The following NUS1 variants were observed in gnomAD, a reference collection of about 807,000 sequenced individuals.
NUS1 encodes dehydrodolichyl diphosphate synthase complex subunit NUS1.
For synonymous variants in NUS1, 135 were observed against 155.2 expected (o/e 0.87, Z 0.97); for missense variants, 292 against 382.9 (o/e 0.76, Z 1.98).
intron 1 of NUS1, among the ~76,000 whole-genome samples, chr6:117,678,909 T>C (rs1402501147): frequency 1.3e-5 from 2 of 152,206 alleles, no homozygotes; most frequent in Non-Finnish European, 2.9e-5. Flanking sequence ...CTCAAACTCC[T>C]GACCTCAGGT....
rs189256491 is a variant in NUS1 at position 117,696,267 on chromosome 6, T to C, written c.691+2087T>C. Among the ~76,000 whole-genome samples the C allele has an allele frequency of 2.4e-3, 368 of 151,894 alleles. 7 individuals carry two copies. Among genetic ancestry groups the C allele is most frequent in the Non-Finnish European group, 9.4e-4 (64 of 67,922 alleles). On this transcript the variant is annotated intron_variant, in intron 3 of 4. Transcript: ENST00000368494. Reference sequence around the variant, plus strand: ...AAAAGAATGAAACACACCTACAAAATCTAGGAAAAAGCCTCTTGAGGGCAA... The same window carrying C: ...AAAAGAATGAAACACACCTACAAAACCTAGGAAAAAGCCTCTTGAGGGCAA...
intron 4 of NUS1, among the ~76,000 whole-genome samples, chr6:117,705,531 A>T (rs76133410): frequency 6.6e-6 from 1 of 152,172 alleles, no homozygotes; most frequent in Non-Finnish European, 1.5e-5. Flanking sequence ...TATGATAGCT[A>T]TATCACATTA....
In NUS1 at chr6:117,681,969, A is replaced by G. The variant is rs534621227; in HGVS notation, c.415+5884A>G. 9.9e-5 allele frequency among the ~76,000 whole-genome samples: 15 copies of G among 152,202 alleles called. No homozygotes were observed. In the South Asian group the frequency reaches 3.1e-3, roughly 32 times the overall value. Reference sequence around the variant, plus strand: ...TGCCTCAGCCTCCTGAGTAACTGGGATTACAGGCATATGCCACCATGCCCA... The same window carrying G: ...TGCCTCAGCCTCCTGAGTAACTGGGGTTACAGGCATATGCCACCATGCCCA... On this transcript the variant is annotated intron_variant, in intron 1 of 4. Coordinates refer to ENST00000368494, the MANE Select transcript of NUS1 (RefSeq NM_138459.5).
In NUS1 at chr6:117,707,093, A is replaced by T; in HGVS notation, c.*78A>T. On this transcript the variant is annotated 3_prime_UTR_variant, in exon 5 of 5. Coordinates refer to ENST00000368494, the MANE Select transcript of NUS1 (RefSeq NM_138459.5). ...TGACTCTGATGTTTACAAAGCACCT[A>T]TGAAACCCTGTACACACCTAGTTCA... 1 of 1,254,760 alleles carries T rather than the reference A, an allele frequency of 8.0e-7. No homozygotes were observed. Among genetic ancestry groups the T allele is most frequent in the South Asian group, 1.2e-5 (1 of 83,124 alleles). The allele number at this position is 1,254,760 out of a possible 1,614,324, so 77.7% of individuals were successfully genotyped here. A position where few individuals can be genotyped will look rare whatever the true frequency, so the allele number is the denominator to read the frequency against.
chr6:117,691,552 GATATAGATATATAT>G (rs1021415056), intron 1 of NUS1, among the ~76,000 whole-genome samples: 6 of 37,556 alleles, frequency 1.6e-4, no homozygotes, highest in African/African-American at 3.4e-4. Flanking sequence ...CTGTGCCATA[GATATAGATATATAT>G]ATATATATAT....
At chr6:117,687,287 A>C (rs955488485) in intron 1 of NUS1, among the ~76,000 whole-genome samples, 1 of 152,218 alleles carries the variant, frequency 6.6e-6, no homozygotes, top group Non-Finnish European at 1.5e-5. Flanking sequence ...ATTATTGTTA[A>C]GCAGCACTTT....
chr6:117,689,658 C>T (rs1283212300), intron 1 of NUS1, among the ~76,000 whole-genome samples: 1 of 151,952 alleles, frequency 6.6e-6, no homozygotes, highest in East Asian at 1.9e-4. Context: ...AACTCCTGGA[C>T]TCAAGCGATC....
chr6:117,699,164 G>GA (rs1253913831), intron 3 of NUS1, among the ~76,000 whole-genome samples: 2 of 150,846 alleles, frequency 1.3e-5, no homozygotes, highest in African/African-American at 5.0e-5. Context: ...AATTAGACCA[G>GA]AAAAAGAAGG....
At chr6:117,678,678 T>TG (rs1491310924) in intron 1 of NUS1, among the ~76,000 whole-genome samples, 4 of 16,600 alleles carry the variant, frequency 2.4e-4, no homozygotes, top group Admixed American at 6.2e-4. Flanking sequence ...TTTTCAGTGG[T>TG]TTTTTTTTTT....
chr6:117,702,408 T>C (rs1161505129), intron 3 of NUS1, among the ~76,000 whole-genome samples: 1 of 152,222 alleles, frequency 6.6e-6, no homozygotes. Flanking sequence ...GGGTGGGCAT[T>C]GGGAGCAGTC....
intron 1 of NUS1, among the ~76,000 whole-genome samples, chr6:117,683,723 TCA>T (rs2114680129): frequency 6.6e-6 from 1 of 152,318 alleles, no homozygotes. Flanking sequence ...GAATAAATAA[TCA>T]CAGTAAAAAT....
chr6:117,694,038 T>C lies in NUS1; in HGVS notation c.549T>C (p.Asn183=). ...GTTTGTTTTTTCTTCCAGTTTTAAA[T>C]TGCCATTTGGCAGTGAAGGTGCTGT... ...NSNDKDDQVL[N]CHLAVKVLSP... is the part of the protein sequence containing the mutation. Residue 183 remains asparagine (N), a synonymous_variant, in exon 3 of 5, where the codon AAT becomes AAC. Transcript: ENST00000368494. 6.2e-7 allele frequency: 1 copy of C among 1,602,090 alleles called. No homozygotes were observed. The highest frequency in any genetic ancestry group is 1.7e-5 in the Admixed American group (1 of 58,430).
intron 3 of NUS1, among the ~76,000 whole-genome samples, chr6:117,699,396 G>C (rs79906875): frequency 0.012 from 1,883 of 152,162 alleles, 44 homozygotes; most frequent in African/African-American, 0.042. Context: ...ATTTATAATA[G>C]ATACAAATAA....
At chr6:117,700,215 G>A (rs946778462) in intron 3 of NUS1, among the ~76,000 whole-genome samples, 3 of 152,100 alleles carry the variant, frequency 2.0e-5, no homozygotes, top group African/African-American at 4.8e-5. Context: ...AACACAGAAT[G>A]GGAGAAAATA....
chr6:117,689,662 A>G (rs1773188038), intron 1 of NUS1, among the ~76,000 whole-genome samples: 1 of 152,060 alleles, frequency 6.6e-6, no homozygotes. Context: ...CCTGGACTCA[A>G]GCGATCCTCC....
At chr6:117,686,905 T>A (rs1773149582) in intron 1 of NUS1, among the ~76,000 whole-genome samples, 1 of 149,682 alleles carries the variant, frequency 6.7e-6, no homozygotes, top group African/African-American at 2.5e-5. Context: ...TGTGTAGACA[T>A]TGAATCCTGA....
At chr6:117,680,656 T>C (rs1270309968) in intron 1 of NUS1, among the ~76,000 whole-genome samples, 1 of 152,210 alleles carries the variant, frequency 6.6e-6, no homozygotes. Flanking sequence ...ACACTGAAGT[T>C]TAACCCTAAC....
intron 3 of NUS1, among the ~76,000 whole-genome samples, chr6:117,700,159 A>G (rs571336298): frequency 6.6e-6 from 1 of 152,340 alleles, no homozygotes; most frequent in Admixed American, 6.5e-5. Context: ...CATCAAGTTA[A>G]AAAGCTCCTG....
At chr6:117,701,382 C>G (rs1225939200) in intron 3 of NUS1, among the ~76,000 whole-genome samples, 1 of 151,496 alleles carries the variant, frequency 6.6e-6, no homozygotes, top group Non-Finnish European at 1.5e-5. Context: ...GTAGCTGGGA[C>G]TACAGGCGCC....
Sources: gnomAD v4.1 joint callset for allele counts (sites outside exome capture counted in the v4.1 genomes callset) on GRCh38, gnomAD v4.1.1 for gene constraint, MANE v1.5 for transcripts, NCBI Gene and HGNC (gene_info 2026-07-23, HGNC 2026-07-21) for gene names.